NARS2: variants seen among roughly 807,000 people sequenced by gnomAD.
NARS2 encodes the protein asparaginyl-tRNA synthetase 2, mitochondrial, also known as asparaginyl-tRNA synthetase.
A neutral mutation model predicts 62.9 loss-of-function variants in NARS2; 60 were observed. The observed-to-expected ratio is 0.95, with a 90% CI of 0.77 to 1.18. The LOEUF (loss-of-function observed/expected upper bound fraction) is 1.18, where lower values mean the gene tolerates loss of function less well. NARS2 is among the 50% of genes most tolerant of loss of function. The pLI, the probability that NARS2 is intolerant of heterozygous loss-of-function variation, is 0.00. For missense variants in NARS2, 619 were observed against 576.4 expected (o/e 1.07, Z -0.76); for synonymous variants, 196 against 200.0 (o/e 0.98, Z 0.17).
chr11:78,503,552 T>TA (rs919800711), intron 6 of NARS2, among the ~76,000 whole-genome samples: 1 of 152,230 alleles, frequency 6.6e-6, no homozygotes, highest in Non-Finnish European at 1.5e-5. Flanking sequence ...CTAGCTCTTC[T>TA]AATTACCACT....
intron 6 of NARS2, among the ~76,000 whole-genome samples, chr11:78,502,839 C>A (rs1353206619): frequency 6.6e-6 from 1 of 151,802 alleles, no homozygotes; most frequent in Non-Finnish European, 1.5e-5. Context: ...ACTAAAAATA[C>A]AAAAATTAGC....
At chr11:78,467,542 AAAAT>A (rs148012478) in intron 10 of NARS2, among the ~76,000 whole-genome samples, 2,468 of 150,442 alleles carry the variant, frequency 0.016, 46 homozygotes, top group East Asian at 0.074. Flanking sequence ...TGTCTTTCAA[AAAAT>A]AAATAAATAA....
At chr11:78,448,132 T>G (rs868719840) in intron 11 of NARS2, among the ~76,000 whole-genome samples, 3 of 152,140 alleles carry the variant, frequency 2.0e-5, no homozygotes, top group Non-Finnish European at 4.4e-5. Context: ...TGTATACACA[T>G]ATCAAAACAG....
At chr11:78,560,055 C>T (rs1457667940) in intron 4 of NARS2, among the ~76,000 whole-genome samples, 5 of 152,188 alleles carry the variant, frequency 3.3e-5, no homozygotes, top group Admixed American at 3.3e-4. Flanking sequence ...ATGATGCTGC[C>T]CACGTTGCTA....
chr11:78,566,720 T>C (rs1287129022), intron 3 of NARS2, among the ~76,000 whole-genome samples: 1 of 152,220 alleles, frequency 6.6e-6, no homozygotes, highest in Non-Finnish European at 1.5e-5. Context: ...ATATCATTCA[T>C]AATCAATTGG....
In NARS2 at chr11:78,465,931, G is replaced by A. The variant is rs1858600653; in HGVS notation, c.1109C>T (p.Pro370Leu). 1.2e-6 allele frequency: 2 copies of A among 1,613,824 alleles called. No homozygotes were observed. The highest frequency in any genetic ancestry group is 1.7e-6 in the Non-Finnish European group (2 of 1,179,902). Reference sequence around the variant, plus strand: ...CATGTAGAAAGGCTTGAGTGTTAATGGATAATTAATAACGAAGACAGGTAT... The same window carrying A: ...CATGTAGAAAGGCTTGAGTGTTAATAGATAATTAATAACGAAGACAGGTAT... ...GNIPVFVINY[P>L]LTLKPFYMRD... The change falls in exon 11 of 14, where the codon CCA becomes CTA. Residue 370 changes from proline (P) to leucine (L), a missense_variant. Physicochemically the swap from Pro to Leu is moderately conservative, Grantham distance 98 (BLOSUM62 -3). Transcript: ENST00000281038.
chr11:78,485,319 G>A (rs2135292552), intron 7 of NARS2, among the ~76,000 whole-genome samples: 1 of 152,190 alleles, frequency 6.6e-6, no homozygotes, highest in African/African-American at 2.4e-5. Context: ...GGGTTGATAG[G>A]TGCGGCAAAC....
At chr11:78,493,259 T>A in intron 6 of NARS2, 64 bp from the exon 7 acceptor site, 1 of 1,470,806 alleles carries the variant, frequency 6.8e-7, no homozygotes, top group Non-Finnish European at 9.3e-7. Flanking sequence ...TATTTAAATA[T>A]TCAGTGAGCT....
intron 5 of NARS2, among the ~76,000 whole-genome samples, chr11:78,541,248 T>C (rs1855605878): frequency 6.6e-6 from 1 of 152,220 alleles, no homozygotes; most frequent in Admixed American, 6.5e-5. Flanking sequence ...ATAAATGTTA[T>C]ATACAACTAC....
intron 3 of NARS2, 111 bp downstream of exon 3, chr11:78,568,521 G>T (rs1856814319): frequency 1.5e-6 from 2 of 1,312,110 alleles, no homozygotes; most frequent in African/African-American, 3.0e-5. Flanking sequence ...TCAATTATCT[G>T]TCACAAATGA....
At chr11:78,453,455 TA>T (rs150454956) in intron 11 of NARS2, among the ~76,000 whole-genome samples, 1 of 149,214 alleles carries the variant, frequency 6.7e-6, no homozygotes, top group Admixed American at 6.7e-5. Context: ...GACCCTGAAT[TA>T]AAAAAAAAAC....
intron 13 of NARS2, among the ~76,000 whole-genome samples, chr11:78,440,384 G>C (rs1048879104): frequency 3.3e-5 from 5 of 150,470 alleles, no homozygotes; most frequent in African/African-American, 4.9e-5. Flanking sequence ...TTTTGATTCA[G>C]AGAGATCAAG....
At chr11:78,529,215 C>T (rs1450866423) in intron 5 of NARS2, among the ~76,000 whole-genome samples, 2 of 152,136 alleles carry the variant, frequency 1.3e-5, no homozygotes, top group Non-Finnish European at 2.9e-5. Flanking sequence ...AAAAGTGATT[C>T]TGATTAAGAG....
intron 13 of NARS2, among the ~76,000 whole-genome samples, chr11:78,439,373 CT>C (rs960319508): frequency 6.6e-6 from 1 of 151,978 alleles, no homozygotes; most frequent in African/African-American, 2.4e-5. Flanking sequence ...AGTGGTTTAG[CT>C]TTTTTTAAGG....
intron 11 of NARS2, among the ~76,000 whole-genome samples, chr11:78,457,062 TCA>T (rs1214068549): frequency 6.6e-6 from 1 of 152,178 alleles, no homozygotes; most frequent in Non-Finnish European, 1.5e-5. Flanking sequence ...GGCTGAAAGA[TCA>T]CAGAGACTTG....
intron 6 of NARS2, among the ~76,000 whole-genome samples, chr11:78,495,834 T>C (rs2135337202): frequency 6.6e-6 from 1 of 152,346 alleles, no homozygotes; most frequent in Non-Finnish European, 1.5e-5. Flanking sequence ...TTGGCAATAG[T>C]ACAGTACATC....
intron 5 of NARS2, among the ~76,000 whole-genome samples, chr11:78,553,043 C>T (rs1336310297): frequency 6.6e-6 from 1 of 152,174 alleles, no homozygotes; most frequent in Non-Finnish European, 1.5e-5. Context: ...TACTGCTTTC[C>T]ACAATGGTTG....
At chr11:78,562,173 C>T (rs570017166) in intron 4 of NARS2, among the ~76,000 whole-genome samples, 30 of 152,218 alleles carry the variant, frequency 2.0e-4, no homozygotes, top group African/African-American at 6.5e-4. Context: ...CATATCTGGA[C>T]CCTAGCACTT....
Position 78,574,672 on chromosome 11 carries a change from C to A in NARS2, c.-184G>T. The A allele has an allele frequency of 1.6e-6, 1 of 625,802 alleles. No individual in the cohort carries two copies. The highest frequency in any genetic ancestry group is 2.7e-6 in the Non-Finnish European group (1 of 370,446). The allele number at this position is 625,802 out of a possible 1,614,324, so 38.8% of individuals were successfully genotyped here. A position where few individuals can be genotyped will look rare whatever the true frequency, so the allele number is the denominator to read the frequency against. ...TCCCAGCTCTGTCCCCACAGAACCT[C>A]TCCGCTTCCCACTTCCCAACGGGGC... On this transcript the variant is annotated 5_prime_UTR_variant, in exon 1 of 14. Transcript: ENST00000281038.
Sources: gnomAD v4.1 joint callset for allele counts (sites outside exome capture counted in the v4.1 genomes callset) on GRCh38, gnomAD v4.1.1 for gene constraint, MANE v1.5 for transcripts, NCBI Gene and HGNC (gene_info 2026-07-23, HGNC 2026-07-21) for gene names.